The following FYTTD1 variants were observed in gnomAD, a reference collection of about 807,000 sequenced individuals.
FYTTD1 encodes UAP56-interacting factor.
In FYTTD1, 22 loss-of-function variants were observed where a neutral mutation model predicts 40.9. The ratio of observed to expected loss-of-function variants is 0.54; its 90% confidence interval spans 0.38 to 0.77. FYTTD1 has a LOEUF of 0.77. FYTTD1 is among the 30% of genes least tolerant of loss of function. The pLI, the probability that FYTTD1 is intolerant of heterozygous loss-of-function variation, is 0.00. For missense variants in FYTTD1, 351 were observed against 392.2 expected (o/e 0.90, Z 0.89); for synonymous variants, 140 against 137.9 (o/e 1.01, Z -0.10).
chr3:197,750,767 G>A (rs572082032), intron 1 of FYTTD1: 93 of 985,554 alleles, frequency 9.4e-5, no homozygotes, highest in Non-Finnish European at 1.1e-4. Context: ...GCTAATGGGG[G>A]AGAAAGCAAA....
chr3:197,771,918 A>T (rs184553583), intron 4 of FYTTD1, among the ~76,000 whole-genome samples: 99 of 151,948 alleles, frequency 6.5e-4, no homozygotes, highest in Non-Finnish European at 1.2e-3. Flanking sequence ...ACATGGTGAA[A>T]CCCCATCTCT....
In FYTTD1 at chr3:197,776,981, T is replaced by C; in HGVS notation, c.711T>C (p.Pro237=). 6.2e-7 allele frequency: 1 copy of C among 1,610,488 alleles called. No individual in the cohort carries two copies. The highest frequency in any genetic ancestry group is 1.7e-4 in the Middle Eastern group (1 of 6,054). The change falls in exon 7 of 9, where the codon CCT becomes CCC. Residue 237 remains proline (P), a synonymous_variant. Coordinates refer to ENST00000241502, the MANE Select transcript of FYTTD1 (RefSeq NM_032288.7). ...GGILTVSIDN[P]GAVQCPVTQK... is the part of the protein sequence containing the mutation. ...TTTTGACTGTATCTATTGACAATCC[T>C]GGAGCAGTGCAATGCCCAGTGTAAG...
chr3:197,780,229 T>C (rs1039193283), intron 8 of FYTTD1, among the ~76,000 whole-genome samples: 1 of 152,104 alleles, frequency 6.6e-6, no homozygotes, highest in African/African-American at 2.4e-5. Context: ...GGCTAATTCT[T>C]ATATTTTTTG....
At chr3:197,752,716 A>G (rs1368815157) in intron 1 of FYTTD1, among the ~76,000 whole-genome samples, 1 of 151,836 alleles carries the variant, frequency 6.6e-6, no homozygotes, top group African/African-American at 2.4e-5. Flanking sequence ...GTGTATGTCT[A>G]TATATGGCTT....
At chr3:197,755,611 A>AATTTATTTATTTATTT (rs10554264) in intron 1 of FYTTD1, 18 of 201,174 alleles carry the variant, frequency 8.9e-5, no homozygotes, top group South Asian at 1.9e-4. Context: ...ATACCCGGCT[A>AATTTATTTATTTATTT]ATTTATTTAT....
At chr3:197,758,870 T>C (rs551939732) in intron 2 of FYTTD1, among the ~76,000 whole-genome samples, 1 of 152,362 alleles carries the variant, frequency 6.6e-6, no homozygotes, top group African/African-American at 2.4e-5. Flanking sequence ...AGAGGAGCTC[T>C]TTGCAGATCC....
At position 197,785,248 on chromosome 3, in the gene FYTTD1, G is replaced by A. The variant is rs1159601109; in HGVS notation, c.*3339G>A. ...ATTACAGTCATCCCTCAGTATACAC[G>A]GAGGATTGGTTCCAGGACCCTTGTA... On this transcript the variant is annotated 3_prime_UTR_variant, in exon 9 of 9. Coordinates refer to ENST00000241502, the MANE Select transcript of FYTTD1 (RefSeq NM_032288.7). 3.9e-5 allele frequency: 6 copies of A among 152,310 alleles called. No individual in the cohort carries two copies. The South Asian group carries it at 8.3e-4, about 21-fold the overall frequency. The allele number at this position is 152,310 out of a possible 1,614,324, so 9.4% of individuals were successfully genotyped here. A position where few individuals can be genotyped will look rare whatever the true frequency, so the allele number is the denominator to read the frequency against.
At chr3:197,778,886 T>A (rs955647453) in intron 8 of FYTTD1, among the ~76,000 whole-genome samples, 13 of 152,152 alleles carry the variant, frequency 8.5e-5, no homozygotes, top group African/African-American at 3.1e-4. Flanking sequence ...TGTTTTCATT[T>A]CTCCCTGGTA....
Position 197,774,163 on chromosome 3 carries a change from G to A in FYTTD1, c.609G>A (p.Leu203=). The change falls in exon 6 of 9, where the codon TTG becomes TTA. Residue 203 remains leucine (L), a synonymous_variant. Coordinates refer to ENST00000241502, the MANE Select transcript of FYTTD1 (RefSeq NM_032288.7). ...TTTCCCTTCAGGTGCAGGCCCAGTTGAATACAGAACAACTGCTAGACGATG... is the reference window on the plus strand; with the variant it reads ...TTTCCCTTCAGGTGCAGGCCCAGTTAAATACAGAACAACTGCTAGACGATG... The part of the protein sequence containing the change: ...FRRGLKVQAQ[L]NTEQLLDDVV... The A allele has an allele frequency of 2.5e-6, 4 of 1,613,968 alleles. No individual in the cohort carries two copies. Among genetic ancestry groups the A allele is most frequent in the Non-Finnish European group, 3.4e-6 (4 of 1,179,850 alleles).
At position 197,781,833 on chromosome 3, in the gene FYTTD1, G is replaced by T; in HGVS notation, c.881G>T (p.Arg294Leu). ...GKQTGMTLNE[R>L]FGILKEQRAT... ...TAGACAGGGATGACGTTGAATGAGC[G>T]GTTTGGGATCCTGAAGGAACAAAGA... Residue 294 changes from arginine (R) to leucine (L), a missense_variant, in exon 9 of 9, where the codon CGG becomes CTG. By Grantham distance (102) the Arg-to-Leu change is moderately radical. Transcript: ENST00000241502. 6.2e-7 allele frequency: 1 copy of T among 1,607,654 alleles called. No individual in the cohort carries two copies. The highest frequency in any genetic ancestry group is 8.5e-7 in the Non-Finnish European group (1 of 1,175,994).
At chr3:197,779,018 A>G (rs776257184) in intron 8 of FYTTD1, among the ~76,000 whole-genome samples, 4 of 152,186 alleles carry the variant, frequency 2.6e-5, no homozygotes, top group Admixed American at 6.5e-5. Context: ...ACCAGCATCT[A>G]TGAGGGTTCT....
At chr3:197,766,482 TCACCCCAGCCTGGA>T (rs1560496509) in intron 2 of FYTTD1, among the ~76,000 whole-genome samples, 6 of 118,474 alleles carry the variant, frequency 5.1e-5, no homozygotes, top group African/African-American at 1.8e-4. Flanking sequence ...TCTTGCTCTG[TCACCCCAGCCTGGA>T]GTACAGTGTG....
At chr3:197,752,646 CTATA>C (rs528633535) in intron 1 of FYTTD1, among the ~76,000 whole-genome samples, 126 of 151,928 alleles carry the variant, frequency 8.3e-4, no homozygotes, top group African/African-American at 2.7e-3. Context: ...TATACATACA[CTATA>C]TATATGTGTA....
chr3:197,750,291 G>C (rs1404116641), intron 1 of FYTTD1: 1 of 1,055,430 alleles, frequency 9.5e-7, no homozygotes, highest in African/African-American at 1.7e-5. Context: ...CCCCTCGGCC[G>C]CGGCAGTCGG....
intron 2 of FYTTD1, among the ~76,000 whole-genome samples, chr3:197,762,679 G>A (rs1183821291): frequency 2.6e-5 from 4 of 151,692 alleles, no homozygotes; most frequent in South Asian, 2.1e-4. Context: ...TCGGGAGATC[G>A]AGACCGTCCT....
At chr3:197,764,723 A>G (rs1729490311) in intron 2 of FYTTD1, among the ~76,000 whole-genome samples, 1 of 151,440 alleles carries the variant, frequency 6.6e-6, no homozygotes, top group South Asian at 2.1e-4. Flanking sequence ...AAAAAAAAAA[A>G]AGCAGAGGAG....
chr3:197,757,236 C>T (rs1391088114), intron 2 of FYTTD1, among the ~76,000 whole-genome samples: 1 of 152,100 alleles, frequency 6.6e-6, no homozygotes, highest in Non-Finnish European at 1.5e-5. Flanking sequence ...TATTTATAAC[C>T]ATCTTGATTG....
chr3:197,771,552 G>A (rs1270879674), intron 4 of FYTTD1, among the ~76,000 whole-genome samples: 6 of 151,986 alleles, frequency 3.9e-5, no homozygotes, highest in Non-Finnish European at 7.4e-5. Context: ...CGAGGCGGGC[G>A]GATCACGAGG....
intron 1 of FYTTD1, among the ~76,000 whole-genome samples, chr3:197,754,800 G>GA (rs1399093768): frequency 1.3e-5 from 2 of 151,870 alleles, no homozygotes; most frequent in Non-Finnish European, 2.9e-5. Context: ...GGGTAGCTGG[G>GA]ACCACGGGCA....
Sources: gnomAD v4.1 joint callset for allele counts (sites outside exome capture counted in the v4.1 genomes callset) on GRCh38, gnomAD v4.1.1 for gene constraint, MANE v1.5 for transcripts, NCBI Gene and HGNC (gene_info 2026-07-23, HGNC 2026-07-21) for gene names.